Variants in LY75 observed in about 807,000 individuals in gnomAD.
LY75 encodes the protein C-type lectin domain family 13 member B.
Under a neutral mutation model 231.7 loss-of-function variants are expected in LY75, and 185 were observed. The observed-to-expected ratio is 0.80, with a 90% CI of 0.71 to 0.90. The LOEUF (loss-of-function observed/expected upper bound fraction) is 0.90. LY75 is among the 40% of genes least tolerant of loss of function. The pLI, the probability that LY75 is intolerant of heterozygous loss-of-function variation, is 0.00. For synonymous variants in LY75, 668 were observed against 689.0 expected, an observed-to-expected ratio of 0.97 and a Z score of 0.48; for missense variants, 1,947 against 2,050.2, an observed-to-expected ratio of 0.95 and a Z score of 0.97.
At chr2:159,870,768 C>T (rs1459415667) in intron 13 of LY75, among the ~76,000 whole-genome samples, 4 of 151,710 alleles carry the variant, frequency 2.6e-5, no homozygotes, top group Non-Finnish European at 5.9e-5. Context: ...CACCTCAGGC[C>T]CCCAAAGTGC....
chr2:159,805,640 A>G (rs1381964616), intron 34 of LY75, among the ~76,000 whole-genome samples: 4 of 152,246 alleles, frequency 2.6e-5, no homozygotes, highest in African/African-American at 7.2e-5. Context: ...ATTTGCTTCA[A>G]AATGATTTAA....
chr2:159,849,805 T>C lies in LY75; in HGVS notation c.3150+175A>G, dbSNP rs1347908569. Among the ~76,000 whole-genome samples the C allele has an allele frequency of 2.6e-5, 4 of 152,176 alleles. No individual in the cohort carries two copies. In the East Asian group the frequency reaches 7.7e-4, roughly 29 times the overall value. On this transcript the variant is annotated intron_variant, in intron 23 of 34. Coordinates refer to ENST00000263636, the MANE Select transcript of LY75 (RefSeq NM_002349.4). Reference sequence around the variant, plus strand: ...CTCTTTAGGCACTATTCTCAATCCTTCCATCCCCCGTAGCCTCTAGCAATC... The same window carrying C: ...CTCTTTAGGCACTATTCTCAATCCTCCCATCCCCCGTAGCCTCTAGCAATC...
At chr2:159,853,428 T>A in intron 19 of LY75, 76 bp from the exon 20 acceptor site, 1 of 1,542,206 alleles carries the variant, frequency 6.5e-7, no homozygotes, top group Non-Finnish European at 8.8e-7. Flanking sequence ...TGTAAGTTAT[T>A]TTATTTCTAA....
Position 159,803,759 on chromosome 2 carries a change from C to T in LY75, c.*1285G>A, listed in dbSNP as rs967520543. 1 of 152,190 alleles carries T rather than the reference C, an allele frequency of 6.6e-6. No individual in the cohort carries two copies. Among genetic ancestry groups the T allele is most frequent in the Non-Finnish European group, 1.5e-5 (1 of 68,030 alleles). The allele number at this position is 152,190 out of a possible 1,614,324, so 9.4% of individuals were successfully genotyped here. On this transcript the variant is annotated 3_prime_UTR_variant, in exon 35 of 35. Transcript: ENST00000263636. ...ACAAAGCAATGTTTTCTTAATCACTCATAATTTTACATTTGTTAGTAGTCA... is the reference window on the plus strand; with the variant it reads ...ACAAAGCAATGTTTTCTTAATCACTTATAATTTTACATTTGTTAGTAGTCA...
In LY75 at chr2:159,807,036, C is replaced by T. The variant is rs1317959286; in HGVS notation, c.4927G>A (p.Glu1643Lys). Residue 1643 changes from glutamate (E) to lysine (K), a missense_variant, in exon 34 of 35, where the codon GAA becomes AAA. Physicochemically the swap from Glu to Lys is moderately conservative, Grantham distance 56. Coordinates refer to ENST00000263636, the MANE Select transcript of LY75 (RefSeq NM_002349.4). ...GRCSMLIASN[E>K]TWKKVECEHG... is the part of the protein sequence containing the mutation. The stretch of plus-strand genomic sequence containing the variant: ...TCACATTCAACTTTTTTCCAAGTTT[C>T]ATTTGAAGCTATCAACATGCTACAT... 6.2e-7 allele frequency: 1 copy of T among 1,613,892 alleles called. No individual in the cohort carries two copies. The highest frequency in any genetic ancestry group is 2.2e-5 in the East Asian group (1 of 44,858).
chr2:159,813,561 G>T (rs7576002), intron 31 of LY75, among the ~76,000 whole-genome samples: 56,587 of 151,904 alleles, frequency 0.37, 11,325 homozygotes, highest in Admixed American at 0.51. Context: ...GGTGGTTGCC[G>T]ACAGTCCTTG....
chr2:159,876,064 C>T (rs1452898046), intron 11 of LY75, among the ~76,000 whole-genome samples: 1 of 152,018 alleles, frequency 6.6e-6, no homozygotes, highest in Non-Finnish European at 1.5e-5. Context: ...TAGTTAACCT[C>T]AAAACACAAC....
chr2:159,852,210 A>G lies in LY75; in HGVS notation c.2874T>C (p.Phe958=), dbSNP rs1369153384. The change falls in exon 21 of 35, where the codon TTT becomes TTC. Residue 958 remains phenylalanine (F), a synonymous_variant. Transcript: ENST00000263636. ...GCAATTCTCTTTTTACCTTATTCTG[A>G]AAAGGAATCCATTGCTCAGAACATT... The part of the protein sequence containing the change: ...KVQCSEQWIP[F]QNKCFLKIKP... 1 of 1,613,202 alleles carries G rather than the reference A, an allele frequency of 6.2e-7. No individual in the cohort carries two copies. Among genetic ancestry groups the G allele is most frequent in the Non-Finnish European group, 8.5e-7 (1 of 1,179,694 alleles).
At position 159,899,026 on chromosome 2, in the gene LY75, G is replaced by T; in HGVS notation, c.128C>A (p.Thr43Lys). 2.5e-6 allele frequency: 4 copies of T among 1,613,744 alleles called. No individual in the cohort carries two copies. Among genetic ancestry groups the T allele is most frequent in the Non-Finnish European group, 3.4e-6 (4 of 1,179,750 alleles). ...ATACACTGGCTTGATGCACTTGCCC[G>T]TATTTCCATGGACGATGGTGAAGGG... is the stretch of plus-strand genomic sequence containing the variant. The part of the protein sequence containing the change: ...NDPFTIVHGN[T>K]GKCIKPVYGW... The change falls in exon 2 of 35, where the codon ACG becomes AAG. Residue 43 changes from threonine (T) to lysine (K), a missense_variant. Thr to Lys is a moderately conservative substitution (Grantham distance 78). Coordinates refer to ENST00000263636, the MANE Select transcript of LY75 (RefSeq NM_002349.4).
Position 159,816,995 on chromosome 2 carries a change from CTG to C in LY75, c.4189_4190del (p.Gln1397ValfsTer5). Reference sequence around the variant, plus strand: ...AAATACCATCTTCATATGGCATAAACTGTGGCAGTGTAGTATTATATTCTTCT... The same window carrying C: ...AAATACCATCTTCATATGGCATAAACTGGCAGTGTAGTATTATATTCTTCT... ...YKEEYNTTLPQFMPYEDGIYS... is the reference protein window; with the variant it reads ...YKEEYNTTLPXFMPYEDGIYS... On this transcript the variant is annotated frameshift_variant, in exon 30 of 35. Coordinates refer to ENST00000263636, the MANE Select transcript of LY75 (RefSeq NM_002349.4). LOFTEE classifies it high-confidence loss of function. 1 of 1,614,044 alleles carries C rather than the reference CTG, an allele frequency of 6.2e-7. No individual in the cohort carries two copies. Among genetic ancestry groups the C allele is most frequent in the Non-Finnish European group, 8.5e-7 (1 of 1,179,962 alleles).
At position 159,812,822 on chromosome 2, in the gene LY75, T is replaced by C. The variant is rs898096710; in HGVS notation, c.4550-2147A>G. Reference sequence around the variant, plus strand: ...TTTTTATCTTGCAAAACTGAAACTCTATACCCACTAAACAATAACTCCCCA... The same window carrying C: ...TTTTTATCTTGCAAAACTGAAACTCCATACCCACTAAACAATAACTCCCCA... On this transcript the variant is annotated intron_variant, in intron 31 of 34. Transcript: ENST00000263636. Among the ~76,000 whole-genome samples, 6 of 152,332 alleles carry C rather than the reference T, an allele frequency of 3.9e-5. No individual in the cohort carries two copies. In the East Asian group the frequency reaches 1.2e-3, roughly 29 times the overall value.
intron 5 of LY75, 91 bp from the exon 6 acceptor site, chr2:159,885,384 C>A: frequency 1.3e-6 from 2 of 1,493,800 alleles, no homozygotes; most frequent in Admixed American, 2.2e-5. Context: ...TAATTTTATG[C>A]TTTTATGGGA....
intron 27 of LY75, among the ~76,000 whole-genome samples, chr2:159,833,171 G>T (rs1430121207): frequency 1.1e-4 from 16 of 143,294 alleles, no homozygotes; most frequent in Admixed American, 7.3e-4. Context: ...CTGTTATCCA[G>T]GCTGGAGTGC....
chr2:159,890,337 A>C lies in LY75; in HGVS notation c.678T>G (p.Phe226Leu), dbSNP rs764054465. The C allele has an allele frequency of 6.2e-7, 1 of 1,613,454 alleles. No homozygotes were observed. Among genetic ancestry groups the C allele is most frequent in the Admixed American group, 1.7e-5 (1 of 59,934 alleles). ...CEDNWEKNEQ[F>L]GSCYQFNTQT... ...GAGTATTAAATTGGTAGCAACTTCC[A>C]AACTGCTCGTTCTTTTCCCAATTAT... The change falls in exon 4 of 35, where the codon TTT (phenylalanine) becomes TTG (leucine). Residue 226 changes from phenylalanine to leucine, a missense_variant. Coordinates refer to ENST00000263636, the MANE Select transcript of LY75 (RefSeq NM_002349.4).
At chr2:159,822,598 C>G (rs1683330457) in intron 28 of LY75, among the ~76,000 whole-genome samples, 2 of 152,194 alleles carry the variant, frequency 1.3e-5, no homozygotes, top group Non-Finnish European at 2.9e-5. Flanking sequence ...GCGGACCTCC[C>G]AGCACAGTGT....
intron 31 of LY75, among the ~76,000 whole-genome samples, chr2:159,814,975 CA>C (rs1478938983): frequency 6.8e-6 from 1 of 146,740 alleles, no homozygotes; most frequent in African/African-American, 2.5e-5. Context: ...ATTATTTTCA[CA>C]AAAATTATTT....
chr2:159,884,151 C>T (rs180833846), intron 6 of LY75, among the ~76,000 whole-genome samples: 1 of 152,320 alleles, frequency 6.6e-6, no homozygotes, highest in Admixed American at 6.5e-5. Flanking sequence ...TGCCACCATT[C>T]ATGTAAGATG....
chr2:159,824,072 T>A (rs1172975186), intron 28 of LY75, among the ~76,000 whole-genome samples: 2 of 152,210 alleles, frequency 1.3e-5, no homozygotes, highest in African/African-American at 4.8e-5. Flanking sequence ...AGCATCATAA[T>A]GACAGGATCA....
intron 24 of LY75, 64 bp from the exon 25 acceptor site, chr2:159,841,019 A>G: frequency 6.3e-7 from 1 of 1,579,008 alleles, no homozygotes; most frequent in East Asian, 2.2e-5. Flanking sequence ...GTTATGGGAC[A>G]TTTTTTTCAC....
Sources: allele counts gnomAD v4.1 joint callset (sites outside exome capture counted in the v4.1 genomes callset), GRCh38; gene constraint gnomAD v4.1.1; transcripts MANE v1.5; gene names NCBI Gene and HGNC (gene_info 2026-07-23, HGNC 2026-07-21).